Variants in SOX5 observed in about 807,000 individuals in gnomAD.
The protein encoded by SOX5 is transcription factor SOX-5.
A neutral mutation model predicts 92.0 loss-of-function variants in SOX5; 9 were observed. The observed-to-expected ratio is 0.10, with a 90% CI of 0.06 to 0.17. The LOEUF (loss-of-function observed/expected upper bound fraction) is 0.17, where lower values mean the gene tolerates loss of function less well. SOX5 is among the 10% of genes least tolerant of loss of function. The pLI is 1.00. For missense variants in SOX5, 642 were observed against 944.5 expected, an observed-to-expected ratio of 0.68 and a Z score of 4.20; for synonymous variants, 344 against 336.3, an observed-to-expected ratio of 1.02 and a Z score of -0.25.
intron 3 of SOX5, among the ~76,000 whole-genome samples, chr12:23,804,913 TTTTATATATATATATA>T (rs1379480231): frequency 4.6e-5 from 5 of 109,332 alleles, no homozygotes; most frequent in African/African-American, 1.4e-4. Flanking sequence ...CCTATCATTG[TTTTATATATATATATA>T]TATATATATA....
chr12:23,954,157 T>C (rs1945996929), upstream of SOX5, among the ~76,000 whole-genome samples: 1 of 152,060 alleles, frequency 6.6e-6, no homozygotes, highest in Non-Finnish European at 1.5e-5. Flanking sequence ...GTATCTTCTA[T>C]TTTAATACCT....
At chr12:24,243,898 GA>G (rs1938024065) in intron 3 of SOX5, among the ~76,000 whole-genome samples, 1 of 152,020 alleles carries the variant, frequency 6.6e-6, no homozygotes, top group South Asian at 2.1e-4. Flanking sequence ...AAATAGCAAT[GA>G]TTCTTCCCGG....
intron 4 of SOX5, among the ~76,000 whole-genome samples, chr12:24,173,207 A>C (rs1042581686): frequency 2.6e-5 from 4 of 152,218 alleles, no homozygotes; most frequent in Non-Finnish European, 5.9e-5. Context: ...TAAATCTTGC[A>C]AACTCTGTCA....
intron 3 of SOX5, among the ~76,000 whole-genome samples, chr12:23,759,507 A>G (rs2094506439): frequency 2.6e-5 from 4 of 152,094 alleles, no homozygotes; most frequent in Admixed American, 2.0e-4. Context: ...CTTCAAAAAA[A>G]TCCACATTCA....
rs552828100 is a variant in SOX5 at position 23,749,072 on chromosome 12, A to G, written c.568+6566T>C. 2.0e-5 allele frequency among the ~76,000 whole-genome samples: 3 copies of G among 152,070 alleles called. No homozygotes were observed. In the South Asian group the frequency reaches 6.2e-4, roughly 31 times the overall value. On this transcript the variant is annotated intron_variant, in intron 4 of 14. Coordinates refer to ENST00000451604, the MANE Select transcript of SOX5 (RefSeq NM_006940.6). ...CAGCACTCTTATCCAACAAAAAGAG[A>G]AAAGGTAGACCTCCCCTCATCAAAA...
chr12:23,993,916 C>T (rs577083778), intron 4 of SOX5, among the ~76,000 whole-genome samples: 5 of 147,258 alleles, frequency 3.4e-5, no homozygotes, highest in African/African-American at 5.0e-5. Context: ...TGTATGTATG[C>T]ATGTATGCAT....
intron 5 of SOX5, among the ~76,000 whole-genome samples, chr12:23,740,538 T>C (rs910781414): frequency 6.6e-6 from 1 of 152,346 alleles, no homozygotes; most frequent in East Asian, 1.9e-4. Flanking sequence ...AGCTCTCTAA[T>C]GAATTCTTTC....
intron 6 of SOX5, among the ~76,000 whole-genome samples, chr12:23,713,009 T>C (rs2092190055): frequency 6.6e-6 from 1 of 152,226 alleles, no homozygotes; most frequent in African/African-American, 2.4e-5. Flanking sequence ...GTGAACATGA[T>C]CTTATTTGAA....
chr12:23,600,522 C>CATATATAT (rs371480644), intron 9 of SOX5, among the ~76,000 whole-genome samples: 1,723 of 39,554 alleles, frequency 0.044, 159 homozygotes, highest in Middle Eastern at 0.069. Context: ...GGGGGGGGTG[C>CATATATAT]ATATATATAT....
rs573587413 is a variant in SOX5 at position 24,473,144 on chromosome 12, C to T, written c.-251+89185G>A. On this transcript the variant is annotated intron_variant, in intron 1 of 4. Coordinates refer to the SOX5 transcript ENST00000446891. ...GCTTTCCAAAGTGTCTGAGGGAGTCCGTTTTAAAACTAAGCAAATATGATC... is the reference window on the plus strand; with the variant it reads ...GCTTTCCAAAGTGTCTGAGGGAGTCTGTTTTAAAACTAAGCAAATATGATC... Among the ~76,000 whole-genome samples, 4 of 152,046 alleles carry T rather than the reference C, an allele frequency of 2.6e-5. No individual in the cohort carries two copies. The South Asian group carries it at 6.2e-4, about 24-fold the overall frequency.
chr12:24,372,850 G>A (rs1315665103), intron 1 of SOX5, among the ~76,000 whole-genome samples: 1 of 151,498 alleles, frequency 6.6e-6, no homozygotes, highest in Non-Finnish European at 1.5e-5. Context: ...GGGTGCAGTG[G>A]CTCACGTCTG....
chr12:24,213,419 T>TAAAAAAA (rs67296842), intron 3 of SOX5: 72 of 96,734 alleles, frequency 7.4e-4, no homozygotes, highest in Non-Finnish European at 8.8e-4. Flanking sequence ...CTTGAAATGC[T>TAAAAAAA]AAAAAAAAAA....
intron 1 of SOX5, among the ~76,000 whole-genome samples, chr12:24,437,755 A>G (rs1939722043): frequency 6.6e-6 from 1 of 152,232 alleles, no homozygotes; most frequent in Non-Finnish European, 1.5e-5. Flanking sequence ...TGCCAGTTAG[A>G]ATGGCGATCA....
At chr12:23,915,816 C>A (rs2097408574) in intron 1 of SOX5, among the ~76,000 whole-genome samples, 1 of 152,162 alleles carries the variant, frequency 6.6e-6, no homozygotes, top group African/African-American at 2.4e-5. Context: ...TCATTCGAAA[C>A]TGCTATTCAC....
chr12:24,399,436 G>T (rs1336304599), intron 1 of SOX5, among the ~76,000 whole-genome samples: 1 of 152,156 alleles, frequency 6.6e-6, no homozygotes, highest in East Asian at 1.9e-4. Context: ...GAGTCCAGAA[G>T]ATACTTAACA....
rs367996057 is a variant in SOX5 at position 23,654,180 on chromosome 12, A to G, written c.931+11264T>C. On this transcript the variant is annotated intron_variant, in intron 7 of 14. Coordinates refer to ENST00000451604, the MANE Select transcript of SOX5 (RefSeq NM_006940.6). ...ATAATGAAACGGGACAGAGAGGCCT[A>G]GAATTTAGGGGTAGGAGGAAATCAG... 6.6e-5 allele frequency among the ~76,000 whole-genome samples: 10 copies of G among 152,220 alleles called. No homozygotes were observed. The East Asian group carries it at 1.7e-3, about 26-fold the overall frequency.
chr12:23,653,478 A>G (rs532160604), intron 7 of SOX5, among the ~76,000 whole-genome samples: 20 of 152,192 alleles, frequency 1.3e-4, no homozygotes, highest in African/African-American at 4.6e-4. Flanking sequence ...AATATGATGC[A>G]TATCTGTATA....
At chr12:24,135,793 G>A (rs1046671890) in intron 4 of SOX5, among the ~76,000 whole-genome samples, 2 of 152,048 alleles carry the variant, frequency 1.3e-5, no homozygotes, top group Admixed American at 1.3e-4. Flanking sequence ...GGCAGTCCAA[G>A]TGGAGGGGGA....
At position 23,536,471 on chromosome 12, in the gene SOX5, C is replaced by T; in HGVS notation, c.1970G>A (p.Arg657Gln). Residue 657 changes from arginine to glutamine, a missense_variant, in exon 14 of 15, where the codon CGG becomes CAG. By Grantham distance (43) the Arg-to-Gln change is conservative. Transcript: ENST00000451604. Reference sequence around the variant, plus strand: ...TACATACCCAACATTGAAGTACTGCCGCATTTCCTGCCGCCTGTTGCGCAT... The same window carrying T: ...TACATACCCAACATTGAAGTACTGCTGCATTTCCTGCCGCCTGTTGCGCAT... Reference protein sequence around the residue: ...AIMRNRRQEMRQYFNVGQQAQ... With the variant: ...AIMRNRRQEMQQYFNVGQQAQ... 3 of 1,613,924 alleles carry T rather than the reference C, an allele frequency of 1.9e-6. No individual in the cohort carries two copies. Among genetic ancestry groups the T allele is most frequent in the Non-Finnish European group, 1.7e-6 (2 of 1,179,932 alleles).
Sources: allele counts gnomAD v4.1 joint callset (sites outside exome capture counted in the v4.1 genomes callset), GRCh38; gene constraint gnomAD v4.1.1; transcripts MANE v1.5; gene names NCBI Gene and HGNC (gene_info 2026-07-23, HGNC 2026-07-21).